The following NPSR1 variants were observed in gnomAD, a reference collection of about 807,000 sequenced individuals.
The protein encoded by NPSR1 is neuropeptide S receptor.
A neutral mutation model predicts 46.9 loss-of-function variants in NPSR1; 48 were observed. The ratio of observed to expected loss-of-function variants is 1.02; its 90% CI spans 0.81 to 1.30. NPSR1 has a LOEUF of 1.30. Ranked by LOEUF, NPSR1 falls within the 50% of genes most tolerant of loss-of-function variation. The probability of loss-of-function intolerance (pLI) is 0.00; values close to 1 mark genes in which losing one functional copy is unlikely to be tolerated. For synonymous variants in NPSR1, 176 were observed against 168.1 expected (o/e 1.05, Z -0.36); for missense variants, 450 against 449.5 (o/e 1.00, Z -0.01).
chr7:34,809,016 A>G lies in NPSR1; in HGVS notation c.385-2754A>G, dbSNP rs1313155300. Among the ~76,000 whole-genome samples the G allele has an allele frequency of 2.0e-5, 3 of 152,104 alleles. No individual in the cohort carries two copies. In the East Asian group the frequency reaches 5.8e-4, roughly 29 times the overall value. On this transcript the variant is annotated intron_variant, in intron 3 of 8. Coordinates refer to ENST00000360581, the MANE Select transcript of NPSR1 (RefSeq NM_207172.2). The stretch of plus-strand genomic sequence containing the variant: ...TATTTATGGCTCTTCCTCCTGCTCC[A>G]GATTCTGAACTGTGCCTGTCACCTC...
intron 3 of NPSR1, among the ~76,000 whole-genome samples, chr7:34,802,718 G>A (rs1788483025): frequency 6.6e-6 from 1 of 150,390 alleles, no homozygotes; most frequent in African/African-American, 2.5e-5. Flanking sequence ...TGACAAATGG[G>A]ATCTAATTAA....
intron 3 of NPSR1, among the ~76,000 whole-genome samples, chr7:34,810,724 T>G (rs991912828): frequency 1.2e-4 from 18 of 152,348 alleles, no homozygotes; most frequent in South Asian, 4.1e-4. Flanking sequence ...TCCAAACAAA[T>G]GTACCATGCA....
intron 8 of NPSR1, among the ~76,000 whole-genome samples, chr7:34,870,631 G>A (rs1444636983): frequency 1.3e-5 from 2 of 151,892 alleles, no homozygotes; most frequent in Middle Eastern, 3.4e-3. Flanking sequence ...TTAATGGGGT[G>A]CCAAACAGGG....
At chr7:34,856,085 TAAAG>T (rs913788148) in intron 8 of NPSR1, among the ~76,000 whole-genome samples, 18 of 151,804 alleles carry the variant, frequency 1.2e-4, no homozygotes, top group Non-Finnish European at 5.9e-5. Flanking sequence ...CCTTTTGAAA[TAAAG>T]AATGAGTGAA....
At chr7:34,704,236 AT>A (rs1793991823) in intron 2 of NPSR1, 1 of 151,992 alleles carries the variant, frequency 6.6e-6, no homozygotes, top group Non-Finnish European at 1.5e-5. Flanking sequence ...CATTATTTTT[AT>A]TTTTATTCAT....
At chr7:34,847,025 C>A (rs1317260451) in intron 7 of NPSR1, among the ~76,000 whole-genome samples, 3 of 152,104 alleles carry the variant, frequency 2.0e-5, no homozygotes, top group Non-Finnish European at 1.5e-5. Flanking sequence ...CCCCTTAGTG[C>A]CCCAAATACT....
At chr7:34,815,242 T>C (rs942883160) in intron 4 of NPSR1, among the ~76,000 whole-genome samples, 3 of 152,142 alleles carry the variant, frequency 2.0e-5, no homozygotes, top group Non-Finnish European at 4.4e-5. Flanking sequence ...CTGAAGGAGC[T>C]GAAAACCATG....
intron 8 of NPSR1, among the ~76,000 whole-genome samples, chr7:34,858,520 G>A (rs991743449): frequency 6.6e-5 from 10 of 151,720 alleles, no homozygotes; most frequent in Admixed American, 5.2e-4. Flanking sequence ...GCACACATAG[G>A]TAATTGTATT....
Position 34,729,333 on chromosome 7 carries a change from G to A in NPSR1, c.280+44649G>A, listed in dbSNP as rs1784312562. 2.0e-5 allele frequency among the ~76,000 whole-genome samples: 3 copies of A among 152,118 alleles called. No individual in the cohort carries two copies. In the South Asian group the frequency reaches 6.2e-4, roughly 32 times the overall value. Reference sequence around the variant, plus strand: ...TCAAAGCATATTCAATCCCAGAGAGGGGTTGAATCCCTGAATTTCACAAGA... The same window carrying A: ...TCAAAGCATATTCAATCCCAGAGAGAGGTTGAATCCCTGAATTTCACAAGA... On this transcript the variant is annotated intron_variant, in intron 2 of 8. Coordinates refer to ENST00000360581, the MANE Select transcript of NPSR1 (RefSeq NM_207172.2).
At chr7:34,747,803 C>T (rs954748101) in intron 2 of NPSR1, among the ~76,000 whole-genome samples, 4 of 152,196 alleles carry the variant, frequency 2.6e-5, no homozygotes, top group African/African-American at 9.7e-5. Context: ...AGTTTTAGAA[C>T]ACGACAAATC....
intron 5 of NPSR1, among the ~76,000 whole-genome samples, chr7:34,832,418 A>C (rs1483717120): frequency 1.3e-5 from 2 of 152,120 alleles, no homozygotes; most frequent in East Asian, 1.9e-4. Context: ...TGGTAGTTCC[A>C]GCTATTCAGG....
intron 3 of NPSR1, among the ~76,000 whole-genome samples, chr7:34,806,796 A>G (rs1235312309): frequency 6.6e-6 from 1 of 152,152 alleles, no homozygotes; most frequent in Non-Finnish European, 1.5e-5. Flanking sequence ...TTGTAAATAT[A>G]AAATTGTTCT....
chr7:34,697,794 G>A lies in NPSR1; in HGVS notation c.280+13110G>A, dbSNP rs540646843. Among the ~76,000 whole-genome samples, 191 of 88,400 alleles carry A rather than the reference G, an allele frequency of 2.2e-3. No homozygotes were observed. The Middle Eastern group carries it at 0.025, about 11-fold the overall frequency. 58.0% of individuals were successfully genotyped at this position (88,400 alleles called of 152,430 possible). Reference sequence around the variant, plus strand: ...TACATATTATATAAAATCAATCTAAGTTAAGACAGGAGAGAAAAAATATTA... The same window carrying A: ...TACATATTATATAAAATCAATCTAAATTAAGACAGGAGAGAAAAAATATTA... On this transcript the variant is annotated intron_variant, in intron 2 of 8. Coordinates refer to ENST00000360581, the MANE Select transcript of NPSR1 (RefSeq NM_207172.2).
At chr7:34,759,623 T>C (rs1037034711) in intron 2 of NPSR1, among the ~76,000 whole-genome samples, 2 of 152,134 alleles carry the variant, frequency 1.3e-5, no homozygotes, top group African/African-American at 4.8e-5. Flanking sequence ...AGTAAAACCA[T>C]GGCATATTTA....
rs562041664 is a variant in NPSR1, at chr7:34,751,277, TG to T, written c.281-27184del. ...GGAAGTGGAGACTTTTCTAGCATGG[TG>T]AACAGAAGATGAGGCTGGGAGTTGC... On this transcript the variant is annotated intron_variant, in intron 2 of 8. Coordinates refer to ENST00000360581, the MANE Select transcript of NPSR1 (RefSeq NM_207172.2). The T allele has an allele frequency of 1.4e-3, 1,357 of 968,862 alleles. 17 individuals are homozygous for T. Among genetic ancestry groups the T allele is most frequent in the Non-Finnish European group, 1.8e-3 (1,089 of 591,160 alleles). The allele number at this position is 968,862 out of a possible 1,614,324, so 60.0% of individuals were successfully genotyped here.
Position 34,680,081 on chromosome 7 carries a change from C to G in NPSR1, c.148-4471C>G, listed in dbSNP as rs545086674. On this transcript the variant is annotated intron_variant, in intron 1 of 8. Transcript: ENST00000360581. ...TAATAGATAAACCACCAGAGAAAAC[C>G]TTATTGATTTTATGCATAACAAGAA... Among the ~76,000 whole-genome samples the G allele has an allele frequency of 9.9e-4, 150 of 152,108 alleles. 1 individual carries two copies. The highest frequency in any genetic ancestry group is 9.7e-3 in the Admixed American group (149 of 15,292).
At chr7:34,736,040 T>C (rs1179562657) in intron 2 of NPSR1, among the ~76,000 whole-genome samples, 1 of 152,236 alleles carries the variant, frequency 6.6e-6, no homozygotes, top group Non-Finnish European at 1.5e-5. Flanking sequence ...AAATAAGAGT[T>C]GTTTTGATGG....
In NPSR1 at chr7:34,849,726, C is replaced by G; in HGVS notation, c.*71C>G. On this transcript the variant is annotated 3_prime_UTR_variant, in exon 9 of 9. Coordinates refer to ENST00000360581, the MANE Select transcript of NPSR1 (RefSeq NM_207172.2). The stretch of plus-strand genomic sequence containing the variant: ...CAGGTCCTTGTCACCTGCTTGGGCA[C>G]GTGCATGGAACCCGAGCCAACTTCA... 6.3e-7 allele frequency: 1 copy of G among 1,591,758 alleles called. No homozygotes were observed. The highest frequency in any genetic ancestry group is 8.6e-7 in the Non-Finnish European group (1 of 1,169,276).
chr7:34,696,014 G>T (rs967980547), intron 2 of NPSR1, among the ~76,000 whole-genome samples: 2 of 148,274 alleles, frequency 1.3e-5, no homozygotes, highest in Non-Finnish European at 3.0e-5. Context: ...TATGTTCATT[G>T]CAGCACTATT....
Sources: gnomAD v4.1 joint callset for allele counts (sites outside exome capture counted in the v4.1 genomes callset) on GRCh38, gnomAD v4.1.1 for gene constraint, MANE v1.5 for transcripts, NCBI Gene and HGNC (gene_info 2026-07-23, HGNC 2026-07-21) for gene names.